UGT1A8: variants seen among roughly 807,000 people sequenced by gnomAD.
The protein encoded by UGT1A8 is UDP glucuronosyltransferase family 1 member A8.
UGT1A8 carries 39 observed loss-of-function variants against 45.3 expected under a neutral mutation model. The ratio of observed to expected loss-of-function variants is 0.86; its 90% CI spans 0.67 to 1.12. UGT1A8 has a LOEUF of 1.12. UGT1A8 is among the 50% of genes most tolerant of loss of function. The probability of loss-of-function intolerance (pLI) is 0.00; values close to 1 mark genes in which losing one functional copy is unlikely to be tolerated. For synonymous variants in UGT1A8, 275 were observed against 249.2 expected (o/e 1.10, Z -0.97); for missense variants, 719 against 664.9 (o/e 1.08, Z -0.90).
chr2:233,743,880 G>C (rs754311427), intron 1 of UGT1A8: 1 of 1,366,528 alleles, frequency 7.3e-7, no homozygotes, highest in South Asian at 1.1e-5. Flanking sequence ...GATGAGGCCT[G>C]CCGGGGCACG....
chr2:233,618,788 CA>C lies in UGT1A8; in HGVS notation c.855+227del, dbSNP rs1329483131. Among the ~76,000 whole-genome samples the C allele has an allele frequency of 6.6e-5, 10 of 152,180 alleles. No homozygotes were observed. The East Asian group carries it at 1.9e-3, about 29-fold the overall frequency. ...TAATTTAAAAATTGTAGATCGTATT[CA>C]GCTTACATTTTTGAGTACCATGTTT... On this transcript the variant is annotated intron_variant, in intron 1 of 4. Coordinates refer to ENST00000373450, the MANE Select transcript of UGT1A8 (RefSeq NM_019076.5).
At chr2:233,702,524 C>A (rs2075691177) in intron 1 of UGT1A8, among the ~76,000 whole-genome samples, 1 of 152,076 alleles carries the variant, frequency 6.6e-6, no homozygotes, top group Non-Finnish European at 1.5e-5. Context: ...AGAGGAGATT[C>A]TTATCTTGTT....
chr2:233,728,968 T>C (rs1359858521), intron 1 of UGT1A8: 14 of 1,468,408 alleles, frequency 9.5e-6, no homozygotes, highest in Non-Finnish European at 1.3e-5. Context: ...AAAACAGTGA[T>C]AGATTAATGG....
At chr2:233,696,056 A>T (rs1035771906) in intron 1 of UGT1A8, among the ~76,000 whole-genome samples, 12 of 152,254 alleles carry the variant, frequency 7.9e-5, no homozygotes, top group Non-Finnish European at 1.6e-4. Flanking sequence ...AATGTAAATT[A>T]GTACAGCCAC....
chr2:233,733,388 G>A (rs1393287938), intron 1 of UGT1A8, among the ~76,000 whole-genome samples: 2 of 152,180 alleles, frequency 1.3e-5, no homozygotes. Flanking sequence ...TTTTGTGCCA[G>A]TTTTCAAAGG....
intron 1 of UGT1A8, chr2:233,729,416 CTCAACTGT>C (rs2077854535): frequency 6.2e-7 from 1 of 1,613,510 alleles, no homozygotes. Context: ...CTGGGCCACA[CTCAACTGT>C]ACTTTGAAAC....
chr2:233,690,761 A>G, intron 1 of UGT1A8: 3 of 731,274 alleles, frequency 4.1e-6, no homozygotes, highest in Non-Finnish European at 5.1e-6. Context: ...GTGCAGACAT[A>G]CACACACACA....
At chr2:233,673,207 T>G (rs2074253732) in intron 1 of UGT1A8, among the ~76,000 whole-genome samples, 1 of 152,218 alleles carries the variant, frequency 6.6e-6, no homozygotes, top group African/African-American at 2.4e-5. Context: ...ACACCTATTT[T>G]GTTAAAATAA....
intron 1 of UGT1A8, chr2:233,718,981 G>C: frequency 1.9e-6 from 3 of 1,614,238 alleles, no homozygotes; most frequent in Non-Finnish European, 2.5e-6. Flanking sequence ...CTCCATGCCA[G>C]AGGCCACCAG....
At position 233,657,504 on chromosome 2, in the gene UGT1A8, G is replaced by A. The variant is rs147000381; in HGVS notation, c.855+38942G>A. On this transcript the variant is annotated intron_variant, in intron 1 of 4. Transcript: ENST00000373450. ...TTTTTAACAATCAGTTCTTGCAGGA[G>A]CAATAGGACAGGAACTCACCCATTA... Among the ~76,000 whole-genome samples, 42 of 152,282 alleles carry A rather than the reference G, an allele frequency of 2.8e-4. No individual in the cohort carries two copies. The East Asian group carries it at 7.9e-3, about 29-fold the overall frequency.
intron 1 of UGT1A8, among the ~76,000 whole-genome samples, chr2:233,625,995 T>C (rs969199986): frequency 6.6e-6 from 1 of 151,920 alleles, no homozygotes; most frequent in Non-Finnish European, 1.5e-5. Flanking sequence ...TCATCTTCCA[T>C]TGAGTGGGCT....
intron 1 of UGT1A8, among the ~76,000 whole-genome samples, chr2:233,625,905 T>C (rs996926384): frequency 5.1e-4 from 77 of 152,002 alleles, no homozygotes; most frequent in African/African-American, 1.8e-3. Context: ...TCAGGTAACC[T>C]GCACATGTAC....
At chr2:233,743,484 G>T (rs773869804) in intron 1 of UGT1A8, 2 of 1,367,080 alleles carry the variant, frequency 1.5e-6, no homozygotes, top group Non-Finnish European at 2.0e-6. Flanking sequence ...GAAATTCACT[G>T]AAGGCAGAGA....
chr2:233,693,984 A>G, intron 1 of UGT1A8: 1 of 1,550,602 alleles, frequency 6.4e-7, no homozygotes, highest in Non-Finnish European at 8.7e-7. Context: ...CGGTGGGGGG[A>G]AGTGATACCC....
rs778383328 is a variant in UGT1A8 at position 233,617,956 on chromosome 2, G to T, written c.249G>T (p.Leu83=). The T allele has an allele frequency of 3.7e-6, 6 of 1,614,158 alleles. No individual in the cohort carries two copies. Among genetic ancestry groups the T allele is most frequent in the Non-Finnish European group, 4.2e-6 (5 of 1,180,028 alleles). The change falls in exon 1 of 5, where the codon CTG becomes CTT. Residue 83 remains leucine, a synonymous_variant. Transcript: ENST00000373450. ...AGACTTACTCAACCTCATACACTCT[G>T]GAGGATCTGGACCGGGAATTCATGG... ...TVKTYSTSYT[L]EDLDREFMDF...
At chr2:233,757,561 T>TATATATATATATATATATATATATAC (rs71058576) in intron 1 of UGT1A8, among the ~76,000 whole-genome samples, 1 of 121,178 alleles carries the variant, frequency 8.3e-6, no homozygotes, top group Non-Finnish European at 1.7e-5. Context: ...TATATATATA[T>TATATATATATATATATATATATATAC]GTATATATGA....
At chr2:233,681,798 G>A in intron 1 of UGT1A8, 1 of 1,474,864 alleles carries the variant, frequency 6.8e-7, no homozygotes, top group Non-Finnish European at 9.0e-7. Context: ...TAAATCATTG[G>A]CAGTGAATGT....
At chr2:233,649,986 T>C (rs1291927112) in intron 1 of UGT1A8, among the ~76,000 whole-genome samples, 2 of 152,194 alleles carry the variant, frequency 1.3e-5, no homozygotes, top group Non-Finnish European at 2.9e-5. Flanking sequence ...TTTGTTTGTT[T>C]TGAGACAGAG....
At chr2:233,673,933 T>C (rs1242605076) in intron 1 of UGT1A8, among the ~76,000 whole-genome samples, 4 of 152,200 alleles carry the variant, frequency 2.6e-5, no homozygotes, top group African/African-American at 7.2e-5. Context: ...CAAAGCACTA[T>C]TGAGTAATAT....
Sources: gnomAD v4.1 joint callset for allele counts (sites outside exome capture counted in the v4.1 genomes callset) on GRCh38, gnomAD v4.1.1 for gene constraint, MANE v1.5 for transcripts, NCBI Gene and HGNC (gene_info 2026-07-23, HGNC 2026-07-21) for gene names.